Variants in KIAA0825 observed in about 807,000 individuals in gnomAD.
The protein encoded by KIAA0825 is KIAA0825, also known as uncharacterized protein KIAA0825.
In KIAA0825, 119 loss-of-function variants were observed where a neutral mutation model predicts 147.6. The observed-to-expected ratio is 0.81, with a 90% CI of 0.69 to 0.94. The LOEUF is 0.94. KIAA0825 is among the 40% of genes least tolerant of loss of function. KIAA0825 has a pLI of 0.00. For synonymous variants in KIAA0825, 470 were observed against 518.1 expected (o/e 0.91, Z 1.26); for missense variants, 1,381 against 1,472.7 (o/e 0.94, Z 1.02).
intron 2 of KIAA0825, among the ~76,000 whole-genome samples, chr5:94,557,003 C>A (rs981774995): frequency 6.6e-6 from 1 of 152,168 alleles, no homozygotes; most frequent in African/African-American, 2.4e-5. Flanking sequence ...AAATAGCACG[C>A]CTTCCTAGTT....
At chr5:94,306,371 A>T (rs1208822562) in intron 20 of KIAA0825, among the ~76,000 whole-genome samples, 1 of 151,884 alleles carries the variant, frequency 6.6e-6, no homozygotes, top group Non-Finnish European at 1.5e-5. Context: ...ATTGGAAAAG[A>T]TATGCCCTCA....
intron 20 of KIAA0825, among the ~76,000 whole-genome samples, chr5:94,185,316 GTAAT>G (rs1186390625): frequency 6.6e-6 from 1 of 152,166 alleles, no homozygotes; most frequent in Non-Finnish European, 1.5e-5. Flanking sequence ...AGGACATACT[GTAAT>G]TAACCACATA....
chr5:94,190,308 C>T (rs967508026), intron 20 of KIAA0825, among the ~76,000 whole-genome samples: 22 of 151,780 alleles, frequency 1.4e-4, no homozygotes, highest in African/African-American at 4.8e-4. Flanking sequence ...ATATCTAATA[C>T]GATGTTTTTT....
At chr5:94,349,626 AGGAAACT>A (rs1208431797) in intron 20 of KIAA0825, among the ~76,000 whole-genome samples, 1 of 152,230 alleles carries the variant, frequency 6.6e-6, no homozygotes, top group East Asian at 1.9e-4. Flanking sequence ...CAACTCCAAA[AGGAAACT>A]TCAAAACCAT....
chr5:94,552,218 A>G (rs939889833), intron 2 of KIAA0825, among the ~76,000 whole-genome samples: 5 of 152,196 alleles, frequency 3.3e-5, no homozygotes, highest in African/African-American at 4.8e-5. Context: ...GCAAAAGTAT[A>G]TAACAATTCT....
intron 1 of KIAA0825, among the ~76,000 whole-genome samples, chr5:94,609,460 T>A (rs182408217): frequency 6.6e-6 from 1 of 152,276 alleles, no homozygotes; most frequent in East Asian, 1.9e-4. Flanking sequence ...TAAGTAGATA[T>A]AATTACATAA....
chr5:94,605,437 C>T (rs572465736), intron 1 of KIAA0825, among the ~76,000 whole-genome samples: 10 of 152,234 alleles, frequency 6.6e-5, no homozygotes, highest in South Asian at 2.1e-4. Flanking sequence ...CATCCTGATA[C>T]CAAAACCTGA....
chr5:94,576,918 TA>T (rs966760687), intron 2 of KIAA0825, among the ~76,000 whole-genome samples: 66 of 151,946 alleles, frequency 4.3e-4, no homozygotes, highest in Non-Finnish European at 7.4e-4. Flanking sequence ...TAACTCTTCT[TA>T]AAAAAAAATT....
At chr5:94,335,585 A>G (rs1321924028) in intron 20 of KIAA0825, among the ~76,000 whole-genome samples, 1 of 152,272 alleles carries the variant, frequency 6.6e-6, no homozygotes, top group South Asian at 2.1e-4. Context: ...TAATTATCAT[A>G]GTATATCATT....
At chr5:94,427,878 T>C (rs1204541977) in intron 14 of KIAA0825, among the ~76,000 whole-genome samples, 1 of 152,172 alleles carries the variant, frequency 6.6e-6, no homozygotes, top group East Asian at 1.9e-4. Flanking sequence ...TTTGTGAACC[T>C]GGGTGCTCCA....
At chr5:94,212,907 C>A (rs974866332) in intron 20 of KIAA0825, among the ~76,000 whole-genome samples, 2 of 152,144 alleles carry the variant, frequency 1.3e-5, no homozygotes, top group African/African-American at 4.8e-5. Context: ...CCATGGAGAA[C>A]TACCACCTTA....
At chr5:94,543,543 T>C (rs1334509660) in intron 2 of KIAA0825, among the ~76,000 whole-genome samples, 1 of 152,186 alleles carries the variant, frequency 6.6e-6, no homozygotes, top group Non-Finnish European at 1.5e-5. Flanking sequence ...TGAGATTCCT[T>C]ACTGATTCCT....
intron 20 of KIAA0825, among the ~76,000 whole-genome samples, chr5:94,381,089 C>T (rs1309881365): frequency 6.6e-6 from 1 of 152,144 alleles, no homozygotes; most frequent in Non-Finnish European, 1.5e-5. Flanking sequence ...TGCTCATTTT[C>T]TGTTTGTCTT....
intron 20 of KIAA0825, among the ~76,000 whole-genome samples, chr5:94,222,414 G>A (rs976461996): frequency 2.0e-5 from 3 of 152,162 alleles, no homozygotes; most frequent in Non-Finnish European, 2.9e-5. Flanking sequence ...AAGCAAGTGA[G>A]ACCATTTGTT....
rs530407802 is a variant in KIAA0825 at position 94,495,551 on chromosome 5, G to A, written c.971-10621C>T. Among the ~76,000 whole-genome samples the A allele has an allele frequency of 2.6e-5, 4 of 152,336 alleles. No individual in the cohort carries two copies. In the South Asian group the frequency reaches 8.3e-4, roughly 32 times the overall value. On this transcript the variant is annotated intron_variant, in intron 5 of 20. Coordinates refer to ENST00000682413, the MANE Select transcript of KIAA0825 (RefSeq NM_001145678.3). The stretch of plus-strand genomic sequence containing the variant: ...TGCAGTGACAGGAGACAGGTACAGA[G>A]TCAGATCTGAAAGCAGAGTGGGGTG...
At chr5:94,280,728 G>C (rs1045200377) in intron 20 of KIAA0825, among the ~76,000 whole-genome samples, 6 of 151,952 alleles carry the variant, frequency 3.9e-5, no homozygotes, top group Admixed American at 3.9e-4. Context: ...GGCACACTTG[G>C]GTTCTTTATG....
intron 20 of KIAA0825, among the ~76,000 whole-genome samples, chr5:94,274,816 A>C (rs1362585707): frequency 6.6e-6 from 1 of 152,138 alleles, no homozygotes; most frequent in Non-Finnish European, 1.5e-5. Context: ...CATGAGCTTC[A>C]TCCTTTCATG....
intron 12 of KIAA0825, among the ~76,000 whole-genome samples, chr5:94,455,056 C>T (rs1202635393): frequency 2.6e-5 from 4 of 152,012 alleles, no homozygotes; most frequent in African/African-American, 4.8e-5. Flanking sequence ...CGAAGTACAT[C>T]CAAGGCATCC....
intron 4 of KIAA0825, among the ~76,000 whole-genome samples, chr5:94,521,209 T>C (rs567410507): frequency 3.2e-4 from 48 of 151,928 alleles, no homozygotes; most frequent in Middle Eastern, 3.4e-3. Flanking sequence ...TACCCTGAGC[T>C]GTATAAAAAC....
Sources: allele counts gnomAD v4.1 joint callset (sites outside exome capture counted in the v4.1 genomes callset), GRCh38; gene constraint gnomAD v4.1.1; transcripts MANE v1.5; gene names NCBI Gene and HGNC (gene_info 2026-07-23, HGNC 2026-07-21).